TMEM132B: variants seen among roughly 807,000 people sequenced by gnomAD.
The protein encoded by TMEM132B is transmembrane protein 132B.
TMEM132B carries 18 observed loss-of-function variants against 90.8 expected under a neutral mutation model. The observed-to-expected ratio is 0.20, with a 90% CI of 0.14 to 0.29. TMEM132B has a LOEUF of 0.29. Among genes scored for constraint, TMEM132B ranks in the 10% least tolerant of loss-of-function variants. The pLI, the probability that TMEM132B is intolerant of heterozygous loss-of-function variation, is 1.00. For synonymous variants in TMEM132B, 504 were observed against 523.3 expected, an observed-to-expected ratio of 0.96 and a Z score of 0.50; for missense variants, 1,096 against 1,326.8, an observed-to-expected ratio of 0.83 and a Z score of 2.70.
At chr12:125,290,066 G>A (rs1875492681) in intron 1 of TMEM132B, among the ~76,000 whole-genome samples, 1 of 152,136 alleles carries the variant, frequency 6.6e-6, no homozygotes, top group African/African-American at 2.4e-5. Context: ...TTTTCTAGTG[G>A]TGATTGTTTC....
At chr12:125,341,151 TA>T (rs1472702147) in intron 1 of TMEM132B, among the ~76,000 whole-genome samples, 1 of 152,224 alleles carries the variant, frequency 6.6e-6, no homozygotes, top group East Asian at 1.9e-4. Context: ...CAGCAGAACA[TA>T]ATGGCTAATA....
At chr12:125,199,243 T>C (rs960303883) in intron 1 of TMEM132B, among the ~76,000 whole-genome samples, 1 of 152,196 alleles carries the variant, frequency 6.6e-6, no homozygotes, top group Non-Finnish European at 1.5e-5. Context: ...CGCCAGTGGT[T>C]AACCTTACTG....
At chr12:125,567,740 A>G (rs980041988) in intron 4 of TMEM132B, among the ~76,000 whole-genome samples, 2 of 152,236 alleles carry the variant, frequency 1.3e-5, no homozygotes, top group African/African-American at 4.8e-5. Context: ...TGTGACAGCC[A>G]GAAGCTGTGT....
intron 2 of TMEM132B, among the ~76,000 whole-genome samples, chr12:125,399,507 G>A (rs1202093508): frequency 7.2e-6 from 1 of 137,960 alleles, no homozygotes; most frequent in Non-Finnish European, 1.6e-5. Context: ...GTGTGTGTGT[G>A]TGTGTGTGTG....
At chr12:125,266,483 A>G (rs1593061583) in intron 1 of TMEM132B, among the ~76,000 whole-genome samples, 1 of 152,378 alleles carries the variant, frequency 6.6e-6, no homozygotes, top group South Asian at 2.1e-4. Context: ...TCTTAAGAGT[A>G]ATATATGTAC....
At chr12:125,304,853 A>G (rs1269806078) in intron 1 of TMEM132B, among the ~76,000 whole-genome samples, 2 of 152,054 alleles carry the variant, frequency 1.3e-5, no homozygotes, top group Non-Finnish European at 2.9e-5. Context: ...AAAAAAAAAA[A>G]TCTTTTCTTC....
intron 2 of TMEM132B, among the ~76,000 whole-genome samples, chr12:125,369,714 T>A (rs374799152): frequency 1.3e-5 from 2 of 152,310 alleles, no homozygotes; most frequent in African/African-American, 4.8e-5. Context: ...TGAAAATTAT[T>A]CCTTGCATTT....
chr12:125,347,225 T>C (rs374874146), intron 1 of TMEM132B, among the ~76,000 whole-genome samples: 4 of 152,334 alleles, frequency 2.6e-5, no homozygotes, highest in African/African-American at 9.6e-5. Flanking sequence ...ATGACTGCAT[T>C]GTCCCTGTAA....
intron 4 of TMEM132B, among the ~76,000 whole-genome samples, chr12:125,522,484 C>T (rs1485866192): frequency 1.3e-5 from 2 of 152,190 alleles, no homozygotes; most frequent in African/African-American, 2.4e-5. Flanking sequence ...AGAGGTTTCC[C>T]TGCCTATCCC....
chr12:125,525,655 A>C (rs769435019), intron 4 of TMEM132B, among the ~76,000 whole-genome samples: 34 of 152,174 alleles, frequency 2.2e-4, no homozygotes, highest in Non-Finnish European at 4.7e-4. Flanking sequence ...TTGTAGCTGG[A>C]CAGAAGAAGA....
chr12:125,288,476 A>AAT (rs1298844396), intron 1 of TMEM132B, among the ~76,000 whole-genome samples: 1 of 148,752 alleles, frequency 6.7e-6, no homozygotes. Flanking sequence ...AAAAAAAAAA[A>AAT]AAAAAGAGCT....
At chr12:125,422,239 A>T (rs451224) in intron 3 of TMEM132B, among the ~76,000 whole-genome samples, 6,068 of 152,306 alleles carry the variant, frequency 0.04, 419 homozygotes, top group African/African-American at 0.14. Flanking sequence ...CATTTAACAG[A>T]TGTGTAAATT....
chr12:125,630,738 C>G (rs898993377), intron 5 of TMEM132B, among the ~76,000 whole-genome samples: 10 of 152,000 alleles, frequency 6.6e-5, no homozygotes, highest in African/African-American at 2.4e-4. Context: ...TCTTCCTCCT[C>G]CCATCCTCCA....
At chr12:125,599,727 T>C (rs983674511) in intron 5 of TMEM132B, among the ~76,000 whole-genome samples, 3 of 152,178 alleles carry the variant, frequency 2.0e-5, no homozygotes, top group Non-Finnish European at 2.9e-5. Flanking sequence ...AACTTAACCA[T>C]TGAGTCTGGG....
chr12:125,525,879 C>T lies in TMEM132B; in HGVS notation c.1293+6254C>T, dbSNP rs986740250. Among the ~76,000 whole-genome samples the T allele has an allele frequency of 9.8e-5, 15 of 152,320 alleles. No individual in the cohort carries two copies. In the East Asian group the frequency reaches 2.3e-3, roughly 24 times the overall value. On this transcript the variant is annotated intron_variant, in intron 4 of 8. Coordinates refer to ENST00000682704, the MANE Select transcript of TMEM132B (RefSeq NM_001366854.1). ...GCATCTGGATTGGCCTAAACCATCACGATTTGTTCATCCCCTTCCCTTGTG... is the reference window on the plus strand; with the variant it reads ...GCATCTGGATTGGCCTAAACCATCATGATTTGTTCATCCCCTTCCCTTGTG...
chr12:125,601,793 C>T (rs1307382080), intron 5 of TMEM132B, among the ~76,000 whole-genome samples: 1 of 151,668 alleles, frequency 6.6e-6, no homozygotes, highest in Non-Finnish European at 1.5e-5. Context: ...CACCACTGAC[C>T]CCACAGAAAT....
chr12:125,195,948 G>A (rs1872915277), intron 1 of TMEM132B, among the ~76,000 whole-genome samples: 1 of 152,190 alleles, frequency 6.6e-6, no homozygotes, highest in African/African-American at 2.4e-5. Flanking sequence ...GGCCAGGGCA[G>A]TGAAAGTTCT....
chr12:125,583,502 G>A (rs1323019283), intron 4 of TMEM132B, among the ~76,000 whole-genome samples: 3 of 152,152 alleles, frequency 2.0e-5, no homozygotes, highest in Non-Finnish European at 2.9e-5. Flanking sequence ...TCCTTGAGCC[G>A]AGATTTGAAA....
At chr12:125,398,118 A>G (rs1879217187) in intron 2 of TMEM132B, among the ~76,000 whole-genome samples, 1 of 152,086 alleles carries the variant, frequency 6.6e-6, no homozygotes, top group Non-Finnish European at 1.5e-5. Context: ...AGGGACTGAA[A>G]AATCTACCTA....
Sources: allele counts gnomAD v4.1 joint callset (sites outside exome capture counted in the v4.1 genomes callset), GRCh38; gene constraint gnomAD v4.1.1; transcripts MANE v1.5; gene names NCBI Gene and HGNC (gene_info 2026-07-23, HGNC 2026-07-21).